EIF2B3: variants seen among roughly 807,000 people sequenced by gnomAD.
The protein encoded by EIF2B3 is translation initiation factor eIF2B subunit gamma.
A neutral mutation model predicts 54.1 loss-of-function variants in EIF2B3; 20 were observed. That is an observed-to-expected ratio of 0.37 (90% CI 0.26 to 0.54). The LOEUF (loss-of-function observed/expected upper bound fraction) is 0.54, where lower values mean the gene tolerates loss of function less well. EIF2B3 is among the 20% of genes least tolerant of loss of function. The pLI is 0.86. For missense variants in EIF2B3, 448 were observed against 547.8 expected (o/e 0.82, Z 1.82); for synonymous variants, 153 against 188.1 (o/e 0.81, Z 1.52).
chr1:44,928,426 G>A (rs975445830), intron 4 of EIF2B3, among the ~76,000 whole-genome samples: 9 of 151,924 alleles, frequency 5.9e-5, no homozygotes, highest in African/African-American at 7.3e-5. Context: ...CAGCCTGGGC[G>A]ACAGAGTGAG....
intron 3 of EIF2B3, among the ~76,000 whole-genome samples, chr1:44,976,662 T>C (rs1337685959): frequency 1.3e-5 from 2 of 152,064 alleles, no homozygotes; most frequent in African/African-American, 4.8e-5. Context: ...TAACTGTCAA[T>C]AGGAGGATAG....
intron 11 of EIF2B3, 104 bp downstream of exon 11, chr1:44,857,600 G>T: frequency 3.9e-6 from 4 of 1,030,148 alleles, no homozygotes; most frequent in Non-Finnish European, 6.1e-6. Context: ...GTTCTCGCCC[G>T]CAGTGTACGT....
At chr1:44,965,445 G>C (rs1219653453) in intron 3 of EIF2B3, among the ~76,000 whole-genome samples, 5 of 151,776 alleles carry the variant, frequency 3.3e-5, no homozygotes, top group Admixed American at 6.6e-5. Flanking sequence ...CTTTAGAACA[G>C]GTTTAGAACT....
At chr1:44,931,501 A>G (rs986337406) in intron 4 of EIF2B3, among the ~76,000 whole-genome samples, 14 of 152,248 alleles carry the variant, frequency 9.2e-5, no homozygotes, top group South Asian at 2.1e-4. Flanking sequence ...TCACTTGAAC[A>G]GAGATGAGCC....
chr1:44,979,115 T>C (rs1387678607), intron 2 of EIF2B3, among the ~76,000 whole-genome samples: 1 of 150,356 alleles, frequency 6.7e-6, no homozygotes, highest in Non-Finnish European at 1.5e-5. Context: ...GGCAAAACCT[T>C]GTCTCTATAA....
rs778078435 is a variant in EIF2B3, at chr1:44,941,602, G to A, written c.358C>T (p.Leu120=). Residue 120 remains leucine (L), a synonymous_variant, in exon 4 of 12, where the codon CTG becomes TTG. Coordinates refer to ENST00000360403, the MANE Select transcript of EIF2B3 (RefSeq NM_020365.5). ...AGTGATGCATCATAAGCTCTAAACAGGTCCACAACCTCATGTAAGGCAACG... is the reference window on the plus strand; with the variant it reads ...AGTGATGCATCATAAGCTCTAAACAAGTCCACAACCTCATGTAAGGCAACG... The part of the protein sequence containing the change: ...TDVALHEVVD[L]FRAYDASLAM... The A allele has an allele frequency of 1.2e-6, 2 of 1,613,914 alleles. No individual in the cohort carries two copies. Among genetic ancestry groups the A allele is most frequent in the Admixed American group, 3.3e-5 (2 of 59,990 alleles).
chr1:44,890,843 C>T (rs1002955874), intron 6 of EIF2B3, among the ~76,000 whole-genome samples: 1 of 152,106 alleles, frequency 6.6e-6, no homozygotes, highest in Non-Finnish European at 1.5e-5. Context: ...TGATAAATGG[C>T]CCTTTCACAA....
At chr1:44,934,786 T>C (rs1643930119) in intron 4 of EIF2B3, among the ~76,000 whole-genome samples, 1 of 152,048 alleles carries the variant, frequency 6.6e-6, no homozygotes, top group Non-Finnish European at 1.5e-5. Flanking sequence ...ATTATAGGTG[T>C]GTGCCACACG....
At chr1:44,982,694 G>A (rs1399041982) in intron 1 of EIF2B3, among the ~76,000 whole-genome samples, 1 of 151,716 alleles carries the variant, frequency 6.6e-6, no homozygotes, top group Non-Finnish European at 1.5e-5. Context: ...TCAACCTCCT[G>A]CACTAAAGCA....
intron 5 of EIF2B3, among the ~76,000 whole-genome samples, chr1:44,917,494 CAAA>C (rs1351668302): frequency 3.9e-5 from 3 of 76,786 alleles, no homozygotes; most frequent in Non-Finnish European, 2.7e-5. Flanking sequence ...AACTCCATCT[CAAA>C]AAAAAAAAAA....
At chr1:44,943,175 T>C (rs1435395322) in intron 3 of EIF2B3, among the ~76,000 whole-genome samples, 2 of 151,624 alleles carry the variant, frequency 1.3e-5, no homozygotes, top group African/African-American at 4.8e-5. Context: ...TATTTTAATT[T>C]TATTTTTAAA....
chr1:44,934,746 C>T (rs113291839), intron 4 of EIF2B3, among the ~76,000 whole-genome samples: 8,207 of 152,204 alleles, frequency 0.054, 360 homozygotes, highest in Non-Finnish European at 0.085. Context: ...CTCAGGTGAT[C>T]CACCCACCTC....
intron 10 of EIF2B3, among the ~76,000 whole-genome samples, chr1:44,867,782 G>A (rs1654828236): frequency 6.6e-6 from 1 of 150,488 alleles, no homozygotes; most frequent in African/African-American, 2.5e-5. Context: ...CATTAGCCTT[G>A]TGTGGGCTGT....
At chr1:44,947,622 A>G (rs182589309) in intron 3 of EIF2B3, among the ~76,000 whole-genome samples, 220 of 152,230 alleles carry the variant, frequency 1.4e-3, no homozygotes, top group Middle Eastern at 0.01. Flanking sequence ...TCTTATGACA[A>G]GGAGAAAGAA....
chr1:44,898,976 G>A (rs1361566239), intron 5 of EIF2B3, among the ~76,000 whole-genome samples: 2 of 152,126 alleles, frequency 1.3e-5, no homozygotes, highest in Non-Finnish European at 2.9e-5. Context: ...ACAGGAGCAA[G>A]CTGCCACACC....
intron 10 of EIF2B3, among the ~76,000 whole-genome samples, chr1:44,859,915 C>A (rs925422735): frequency 5.3e-5 from 8 of 151,752 alleles, no homozygotes; most frequent in Non-Finnish European, 1.0e-4. Context: ...TGCCACCACA[C>A]CTGGCTCATT....
intron 6 of EIF2B3, among the ~76,000 whole-genome samples, chr1:44,896,412 C>T (rs1268133692): frequency 6.6e-6 from 1 of 152,166 alleles, no homozygotes; most frequent in Admixed American, 6.6e-5. Flanking sequence ...AAAGATCATA[C>T]TGGGCAGGGG....
intron 3 of EIF2B3, among the ~76,000 whole-genome samples, chr1:44,947,608 G>A (rs1644117071): frequency 6.6e-6 from 1 of 152,040 alleles, no homozygotes; most frequent in South Asian, 2.1e-4. Flanking sequence ...TCTGGCAACC[G>A]ATTTCTTATG....
Position 44,981,053 on chromosome 1 carries a change from G to T in EIF2B3, c.116C>A (p.Pro39Gln). 6.2e-7 allele frequency: 1 copy of T among 1,613,368 alleles called. No homozygotes were observed. Among genetic ancestry groups the T allele is most frequent in the Non-Finnish European group, 8.5e-7 (1 of 1,179,962 alleles). Residue 39 changes from proline to glutamine, a missense_variant, in exon 2 of 12, where the codon CCA becomes CAA. Pro to Gln is a moderately conservative substitution (Grantham distance 76). Transcript: ENST00000360403. ...PVGNKPLIWYPLNLLERVGFE... is the reference protein window; with the variant it reads ...PVGNKPLIWYQLNLLERVGFE... The stretch of plus-strand genomic sequence containing the variant: ...TCCAACACGCTCAAGCAGGTTCAAT[G>T]GGTACCAAATTAAAGGTTTGTTCCC...
Sources: gnomAD v4.1 joint callset for allele counts (sites outside exome capture counted in the v4.1 genomes callset) on GRCh38, gnomAD v4.1.1 for gene constraint, MANE v1.5 for transcripts, NCBI Gene and HGNC (gene_info 2026-07-23, HGNC 2026-07-21) for gene names.